The following AP4E1 variants were observed in gnomAD, a reference collection of about 807,000 sequenced individuals.
AP4E1 encodes the protein AP-4 complex subunit epsilon-1.
Under a neutral mutation model 128.2 loss-of-function variants are expected in AP4E1, and 56 were observed. The ratio of observed to expected loss-of-function variants is 0.44; its 90% confidence interval spans 0.35 to 0.55. The LOEUF is 0.55. AP4E1 is among the 20% of genes least tolerant of loss of function. AP4E1 has a pLI of 0.00. For synonymous variants in AP4E1, 484 were observed against 473.1 expected, an observed-to-expected ratio of 1.02 and a Z score of -0.30; for missense variants, 1,324 against 1,307.7, an observed-to-expected ratio of 1.01 and a Z score of -0.19.
At chr15:50,919,805 G>A (rs1313463183) in intron 3 of AP4E1, among the ~76,000 whole-genome samples, 1 of 151,750 alleles carries the variant, frequency 6.6e-6, no homozygotes. Flanking sequence ...GGCTGGGCAC[G>A]GTGGCTAATG....
chr15:50,920,674 A>C (rs1198147827), intron 3 of AP4E1, among the ~76,000 whole-genome samples: 1 of 151,134 alleles, frequency 6.6e-6, no homozygotes, highest in Admixed American at 6.6e-5. Flanking sequence ...CTGGGATTGC[A>C]GGCATGAGCC....
At chr15:50,909,622 C>G (rs999815941) in intron 1 of AP4E1, among the ~76,000 whole-genome samples, 1 of 152,120 alleles carries the variant, frequency 6.6e-6, no homozygotes, top group Non-Finnish European at 1.5e-5. Context: ...TCTCTGTCGC[C>G]CAGGCTGGAG....
intron 7 of AP4E1, among the ~76,000 whole-genome samples, chr15:50,931,435 G>A (rs562771993): frequency 2.1e-4 from 32 of 152,136 alleles, no homozygotes; most frequent in Admixed American, 7.9e-4. Context: ...GCACAGTGGC[G>A]CGCGCCTGTA....
chr15:50,931,454 T>A (rs2063834632), intron 7 of AP4E1, among the ~76,000 whole-genome samples: 3 of 152,056 alleles, frequency 2.0e-5, no homozygotes, highest in Admixed American at 2.0e-4. Flanking sequence ...TAATCCTAGC[T>A]ACTCGGGAGG....
At chr15:50,942,617 CAT>C (rs1253885931) in intron 10 of AP4E1, among the ~76,000 whole-genome samples, 1 of 148,980 alleles carries the variant, frequency 6.7e-6, no homozygotes, top group Non-Finnish European at 1.5e-5. Flanking sequence ...TTATATATAA[CAT>C]AGCATATACT....
chr15:50,986,029 T>C (rs945911347), intron 16 of AP4E1, among the ~76,000 whole-genome samples: 12 of 152,278 alleles, frequency 7.9e-5, no homozygotes, highest in South Asian at 4.1e-4. Flanking sequence ...TCCTTCACAT[T>C]GCTTGTAAGT....
rs570890046 is a variant in AP4E1, at chr15:50,940,426, C to T, written c.944-1016C>T. Among the ~76,000 whole-genome samples the T allele has an allele frequency of 7.2e-5, 11 of 152,114 alleles. No individual in the cohort carries two copies. The South Asian group carries it at 2.3e-3, about 32-fold the overall frequency. On this transcript the variant is annotated intron_variant, in intron 8 of 20. Transcript: ENST00000261842. Reference sequence around the variant, plus strand: ...GTTTTTTCCACAAAATTTATTTGTGCATTAATCGATAGGCAACATAGTGTA... The same window carrying T: ...GTTTTTTCCACAAAATTTATTTGTGTATTAATCGATAGGCAACATAGTGTA...
At position 50,946,264 on chromosome 15, in the gene AP4E1, G is replaced by A. The variant is rs188493858; in HGVS notation, c.1177-1756G>A. Among the ~76,000 whole-genome samples the A allele has an allele frequency of 3.7e-3, 559 of 152,206 alleles. 3 individuals carry two copies. The highest frequency in any genetic ancestry group is 0.017 in the Middle Eastern group (5 of 294). On this transcript the variant is annotated intron_variant, in intron 10 of 20. Transcript: ENST00000261842. Reference sequence around the variant, plus strand: ...CCTGTTTTAATTACAGATATACTCTGTATATTCTCTCTGATCTATTATTGT... The same window carrying A: ...CCTGTTTTAATTACAGATATACTCTATATATTCTCTCTGATCTATTATTGT...
intron 13 of AP4E1, among the ~76,000 whole-genome samples, chr15:50,954,298 G>T (rs2064188239): frequency 6.6e-6 from 1 of 152,114 alleles, no homozygotes; most frequent in Non-Finnish European, 1.5e-5. Context: ...CTATTTTCTG[G>T]AAGAGTTTGC....
At chr15:50,952,647 G>A (rs2064167610) in intron 13 of AP4E1, among the ~76,000 whole-genome samples, 1 of 151,966 alleles carries the variant, frequency 6.6e-6, no homozygotes, top group African/African-American at 2.4e-5. Context: ...AGATCCAGTT[G>A]AGGATCACAA....
intron 8 of AP4E1, among the ~76,000 whole-genome samples, chr15:50,940,448 T>C (rs1305426794): frequency 6.6e-6 from 1 of 152,214 alleles, no homozygotes; most frequent in Non-Finnish European, 1.5e-5. Context: ...GGCAACATAG[T>C]GTAAAACATA....
intron 16 of AP4E1, among the ~76,000 whole-genome samples, chr15:50,984,528 A>G (rs1053667230): frequency 6.0e-5 from 8 of 134,340 alleles, no homozygotes; most frequent in Admixed American, 1.8e-4. Context: ...TCAATGTTCA[A>G]TTCCCACCTA....
chr15:50,989,266 A>G (rs1008153005), intron 16 of AP4E1, among the ~76,000 whole-genome samples: 1 of 152,222 alleles, frequency 6.6e-6, no homozygotes, highest in African/African-American at 2.4e-5. Flanking sequence ...TAAATGTGAT[A>G]AAATCTCAAA....
intron 10 of AP4E1, chr15:50,944,895 C>A: frequency 1.2e-6 from 1 of 809,332 alleles, no homozygotes; most frequent in Non-Finnish European, 2.1e-6. Flanking sequence ...TCCAAAGAAC[C>A]TGGCTACTGT....
intron 10 of AP4E1, among the ~76,000 whole-genome samples, chr15:50,947,445 A>G (rs2064077637): frequency 6.6e-6 from 1 of 151,736 alleles, no homozygotes; most frequent in Admixed American, 6.6e-5. Context: ...GTAGCTATAA[A>G]ACAGTTCTTC....
At chr15:50,945,261 A>G (rs1186676654) in intron 10 of AP4E1, 5 of 784,246 alleles carry the variant, frequency 6.4e-6, no homozygotes, top group African/African-American at 1.7e-5. Flanking sequence ...CAGTGTAAGT[A>G]GTGTTAAATT....
At position 50,915,525 on chromosome 15, in the gene AP4E1, T is replaced by C. The variant is rs759916004; in HGVS notation, c.300T>C (p.His100=). The C allele has an allele frequency of 6.2e-7, 1 of 1,613,652 alleles. No homozygotes were observed. The highest frequency in any genetic ancestry group is 8.5e-7 in the Non-Finnish European group (1 of 1,179,746). Residue 100 remains histidine, a synonymous_variant, in exon 3 of 21, where the codon CAT becomes CAC. Transcript: ENST00000261842. ...LGYDASFGYI[H]AIKLAQQGNL... is the part of the protein sequence containing the mutation. Reference sequence around the variant, plus strand: ...ATGATGCTTCCTTTGGCTATATTCATGCAATCAAGTTAGCCCAACAAGGAA... The same window carrying C: ...ATGATGCTTCCTTTGGCTATATTCACGCAATCAAGTTAGCCCAACAAGGAA...
intron 3 of AP4E1, among the ~76,000 whole-genome samples, chr15:50,921,275 T>G (rs2063700390): frequency 6.6e-6 from 1 of 152,164 alleles, no homozygotes; most frequent in South Asian, 2.1e-4. Context: ...TAGGCATGAA[T>G]AAATAAACTT....
In AP4E1 at chr15:51,002,551, A is replaced by C. The variant is rs1304137819; in HGVS notation, c.3303A>C (p.Leu1101Phe). ...ACQLLPSIPC[L>F]LHCRVHADVL... Reference sequence around the variant, plus strand: ...AGCTGCTCCCATCCATCCCCTGCTTACTGCATTGCCGAGTTCATGCAGATG... The same window carrying C: ...AGCTGCTCCCATCCATCCCCTGCTTCCTGCATTGCCGAGTTCATGCAGATG... The change falls in exon 21 of 21, where the codon TTA becomes TTC. Residue 1101 changes from leucine to phenylalanine, a missense_variant. Leu to Phe is a conservative substitution (Grantham distance 22). Coordinates refer to ENST00000261842, the MANE Select transcript of AP4E1 (RefSeq NM_007347.5). The C allele has an allele frequency of 6.2e-7, 1 of 1,614,170 alleles. No homozygotes were observed. The highest frequency in any genetic ancestry group is 1.7e-5 in the Admixed American group (1 of 60,020).
Sources: allele counts gnomAD v4.1 joint callset (sites outside exome capture counted in the v4.1 genomes callset), GRCh38; gene constraint gnomAD v4.1.1; transcripts MANE v1.5; gene names NCBI Gene and HGNC (gene_info 2026-07-23, HGNC 2026-07-21).